DOCK2: variants seen among roughly 807,000 people sequenced by gnomAD.
DOCK2 encodes dedicator of cytokinesis 2.
DOCK2 carries 87 observed loss-of-function variants against 248.9 expected under a neutral mutation model. That is an observed-to-expected ratio of 0.35 (90% confidence interval 0.29 to 0.42). The LOEUF (loss-of-function observed/expected upper bound fraction) is 0.42. Among genes scored for constraint, DOCK2 ranks in the 10% least tolerant of loss-of-function variants. The pLI, the probability that DOCK2 is intolerant of heterozygous loss-of-function variation, is 1.00. For synonymous variants in DOCK2, 805 were observed against 821.6 expected (o/e 0.98, Z 0.35); for missense variants, 1,747 against 2,300.2 (o/e 0.76, Z 4.92).
At chr5:169,641,384 A>ACCC (rs2113084820) in intron 1 of DOCK2, among the ~76,000 whole-genome samples, 1 of 152,296 alleles carries the variant, frequency 6.6e-6, no homozygotes, top group South Asian at 2.1e-4. Context: ...TGGTTCAGGG[A>ACCC]TGTGGGTGAT....
intron 41 of DOCK2, among the ~76,000 whole-genome samples, chr5:170,052,436 C>T (rs1477128924): frequency 6.6e-6 from 1 of 152,136 alleles, no homozygotes; most frequent in African/African-American, 2.4e-5. Context: ...CAACATCTCC[C>T]CTGGTTCAGT....
At chr5:169,840,910 A>G (rs1769922872) in intron 27 of DOCK2, 58 bp downstream of exon 27, 1 of 1,562,004 alleles carries the variant, frequency 6.4e-7, no homozygotes, top group Non-Finnish European at 8.7e-7. Context: ...CTAAAAATGG[A>G]TTTTCTGAAA....
intron 27 of DOCK2, among the ~76,000 whole-genome samples, chr5:169,888,825 GAC>G (rs371157849): frequency 1.9e-3 from 297 of 152,314 alleles, no homozygotes; most frequent in Non-Finnish European, 3.3e-3. Flanking sequence ...GTAGCCATGA[GAC>G]ACTTGTGAAT....
chr5:169,822,723 A>T (rs1005570575), intron 26 of DOCK2, among the ~76,000 whole-genome samples: 20 of 152,146 alleles, frequency 1.3e-4, no homozygotes, highest in African/African-American at 4.6e-4. Flanking sequence ...AGAAGCAAGA[A>T]CAAACACATT....
intron 29 of DOCK2, among the ~76,000 whole-genome samples, chr5:169,993,032 AC>A (rs1392507904): frequency 6.6e-6 from 1 of 152,210 alleles, no homozygotes; most frequent in Non-Finnish European, 1.5e-5. Context: ...TACTGGAATG[AC>A]TGATAGCTTT....
chr5:170,011,814 C>T (rs185590562), intron 32 of DOCK2, among the ~76,000 whole-genome samples: 16 of 152,300 alleles, frequency 1.1e-4, no homozygotes, highest in Admixed American at 1.0e-3. Context: ...ACAGCCCTCC[C>T]CTCTCTTTCT....
At chr5:169,800,670 C>T (rs1256847843) in intron 25 of DOCK2, among the ~76,000 whole-genome samples, 1 of 152,146 alleles carries the variant, frequency 6.6e-6, no homozygotes, top group Non-Finnish European at 1.5e-5. Flanking sequence ...TGTTTTGTGA[C>T]TCTGTAAATT....
chr5:169,807,077 G>T (rs111394680), intron 26 of DOCK2, among the ~76,000 whole-genome samples: 41 of 152,186 alleles, frequency 2.7e-4, no homozygotes, highest in African/African-American at 8.7e-4. Context: ...GGGGGTCCCC[G>T]GCTTGCAAAG....
chr5:169,833,316 A>G (rs757712775), intron 26 of DOCK2, among the ~76,000 whole-genome samples: 1 of 152,224 alleles, frequency 6.6e-6, no homozygotes, highest in Non-Finnish European at 1.5e-5. Context: ...AAGATGGTAA[A>G]TTAAAATAGG....
chr5:169,839,307 G>C (rs1174638802), intron 26 of DOCK2, among the ~76,000 whole-genome samples: 1 of 152,196 alleles, frequency 6.6e-6, no homozygotes, highest in Non-Finnish European at 1.5e-5. Context: ...AGGCATGTAA[G>C]TTCTTCCAGA....
chr5:169,664,904 A>G (rs1758638430), intron 2 of DOCK2, among the ~76,000 whole-genome samples: 2 of 152,056 alleles, frequency 1.3e-5, no homozygotes, highest in African/African-American at 4.8e-5. Context: ...CAAGAAAGAA[A>G]AAGCACTCTT....
intron 26 of DOCK2, among the ~76,000 whole-genome samples, chr5:169,830,494 A>G (rs865855089): frequency 6.6e-6 from 1 of 152,106 alleles, no homozygotes; most frequent in African/African-American, 2.4e-5. Flanking sequence ...ATTTTTTTGC[A>G]CCTCATAAAT....
intron 27 of DOCK2, among the ~76,000 whole-genome samples, chr5:169,897,219 T>C (rs1387334901): frequency 6.6e-6 from 1 of 152,070 alleles, no homozygotes; most frequent in Non-Finnish European, 1.5e-5. Flanking sequence ...AGAGTCTTGC[T>C]CTGCCACCAG....
At chr5:169,697,960 G>A (rs1179831675) in intron 10 of DOCK2, among the ~76,000 whole-genome samples, 1 of 152,176 alleles carries the variant, frequency 6.6e-6, no homozygotes, top group African/African-American at 2.4e-5. Flanking sequence ...TGAAAAGAGG[G>A]TGGATATTTC....
intron 27 of DOCK2, among the ~76,000 whole-genome samples, chr5:169,927,892 A>G (rs1297251238): frequency 6.6e-6 from 1 of 152,190 alleles, no homozygotes; most frequent in African/African-American, 2.4e-5. Flanking sequence ...CTGGGATTAC[A>G]GGCATGAGAC....
At chr5:169,694,292 A>G (rs1284864400) in intron 9 of DOCK2, among the ~76,000 whole-genome samples, 2 of 152,234 alleles carry the variant, frequency 1.3e-5, no homozygotes, top group Admixed American at 6.5e-5. Context: ...GACCTGGCCC[A>G]GGGTACTCTA....
chr5:169,821,044 T>G (rs1001099870), intron 26 of DOCK2, among the ~76,000 whole-genome samples: 26 of 152,132 alleles, frequency 1.7e-4, no homozygotes, highest in African/African-American at 6.3e-4. Flanking sequence ...ATGAATGAAA[T>G]GAAGCGAGCA....
At chr5:169,867,687 C>G (rs963155607) in intron 27 of DOCK2, among the ~76,000 whole-genome samples, 1 of 151,986 alleles carries the variant, frequency 6.6e-6, no homozygotes. Flanking sequence ...ATTGATCCCC[C>G]CACACACATA....
At chr5:169,713,593 A>G (rs569429779) in intron 17 of DOCK2, among the ~76,000 whole-genome samples, 2 of 152,324 alleles carry the variant, frequency 1.3e-5, no homozygotes, top group East Asian at 3.9e-4. Context: ...TGTATTCAAG[A>G]TAGCATAGAC....
Sources: gnomAD v4.1 joint callset for allele counts (sites outside exome capture counted in the v4.1 genomes callset) on GRCh38, gnomAD v4.1.1 for gene constraint, MANE v1.5 for transcripts, NCBI Gene and HGNC (gene_info 2026-07-23, HGNC 2026-07-21) for gene names.